Variants in IPO11 observed in about 807,000 individuals in gnomAD.
IPO11 encodes the protein importin 11, also known as importin-11.
A neutral mutation model predicts 143.2 loss-of-function variants in IPO11; 66 were observed. The ratio of observed to expected loss-of-function variants is 0.46; its 90% CI spans 0.38 to 0.57. The LOEUF (loss-of-function observed/expected upper bound fraction) is 0.57, where lower values mean the gene tolerates loss of function less well. IPO11 is among the 20% of genes least tolerant of loss of function. The pLI is 0.00. For missense variants in IPO11, 1,026 were observed against 1,141.0 expected (o/e 0.90, Z 1.45); for synonymous variants, 385 against 377.8 (o/e 1.02, Z -0.22).
chr5:62,504,683 C>A lies in IPO11; in HGVS notation c.1607C>A (p.Ala536Asp). 1 of 1,483,694 alleles carries A rather than the reference C, an allele frequency of 6.7e-7. No individual in the cohort carries two copies. Among genetic ancestry groups the A allele is most frequent in the Non-Finnish European group, 9.2e-7 (1 of 1,081,314 alleles). The allele number at this position is 1,483,694 out of a possible 1,614,324, so 91.9% of individuals were successfully genotyped here. Residue 536 changes from alanine (A) to aspartate (D), a missense_variant, in exon 17 of 30, where the codon GCT becomes GAT. Ala to Asp is a moderately radical substitution (Grantham distance 126). Coordinates refer to ENST00000325324, the MANE Select transcript of IPO11 (RefSeq NM_016338.5). The stretch of plus-strand genomic sequence containing the variant: ...TTCTTTTAGGTCCGTATTGAAACAG[C>A]TACAACTTTGAAGTTAAATATCCTT... ...DQDLVVRIET[A>D]TTLKLTVDDF...
At position 62,503,330 on chromosome 5, in the gene IPO11, C is replaced by T. The variant is rs2650500; in HGVS notation, c.1591-1337C>T. Among the ~76,000 whole-genome samples the T allele has an allele frequency of 8.1e-3, 1,006 of 123,436 alleles. 20 individuals carry two copies. The highest frequency in any genetic ancestry group is 0.025 in the East Asian group (91 of 3,670). 81.0% of individuals were successfully genotyped at this position (123,436 alleles called of 152,430 possible). A position where few individuals can be genotyped will look rare whatever the true frequency, so the allele number is the denominator to read the frequency against. Reference sequence around the variant, plus strand: ...TCTATTAATATATTAATAGTATCTACTAATATATTAATAGTATCTATTAAT... The same window carrying T: ...TCTATTAATATATTAATAGTATCTATTAATATATTAATAGTATCTATTAAT... On this transcript the variant is annotated intron_variant, in intron 16 of 29. Coordinates refer to ENST00000325324, the MANE Select transcript of IPO11 (RefSeq NM_016338.5).
intron 19 of IPO11, among the ~76,000 whole-genome samples, chr5:62,508,300 T>A: frequency 8.9e-6 from 1 of 112,318 alleles, no homozygotes; most frequent in Admixed American, 7.8e-5. Flanking sequence ...CCTGGCTAAT[T>A]TTTTTTTTTT....
At chr5:62,414,626 G>A (rs1187966416) in intron 1 of IPO11, among the ~76,000 whole-genome samples, 1 of 152,188 alleles carries the variant, frequency 6.6e-6, no homozygotes, top group South Asian at 2.1e-4. Flanking sequence ...AGTTGCATCA[G>A]TGTTCTTTAC....
chr5:62,541,371 C>CAA (rs368334894), intron 24 of IPO11, among the ~76,000 whole-genome samples: 17 of 116,006 alleles, frequency 1.5e-4, no homozygotes, highest in Admixed American at 1.8e-4. Flanking sequence ...AACGCTGTCT[C>CAA]AAAAAAAAAA....
intron 6 of IPO11, among the ~76,000 whole-genome samples, chr5:62,469,744 C>T (rs1745701691): frequency 6.6e-6 from 1 of 152,166 alleles, no homozygotes; most frequent in Non-Finnish European, 1.5e-5. Flanking sequence ...GCTTATCTCT[C>T]TGTGTACACT....
At chr5:62,464,753 A>T (rs166005) in intron 5 of IPO11, among the ~76,000 whole-genome samples, 20 of 152,094 alleles carry the variant, frequency 1.3e-4, no homozygotes, top group Middle Eastern at 6.8e-3. Flanking sequence ...CATTACAGGC[A>T]TGAGCCATCG....
chr5:62,505,033 T>G (rs1028090753), intron 18 of IPO11, 135 bp downstream of exon 18: 4 of 467,130 alleles, frequency 8.6e-6, no homozygotes, highest in Non-Finnish European at 7.4e-6. Flanking sequence ...ATTGGATTAT[T>G]TTGGAGGACA....
chr5:62,547,378 T>G (rs1743240468), intron 24 of IPO11, among the ~76,000 whole-genome samples: 1 of 152,234 alleles, frequency 6.6e-6, no homozygotes. Flanking sequence ...TGGAATGTCA[T>G]CATTATTACT....
At chr5:62,424,873 TTTA>T (rs1281934863) in intron 1 of IPO11, among the ~76,000 whole-genome samples, 12 of 152,190 alleles carry the variant, frequency 7.9e-5, no homozygotes, top group Admixed American at 2.6e-4. Context: ...AGACATTGCC[TTTA>T]TTATTATATT....
intron 16 of IPO11, among the ~76,000 whole-genome samples, chr5:62,499,496 T>C (rs1459930406): frequency 6.6e-6 from 1 of 151,962 alleles, no homozygotes; most frequent in Non-Finnish European, 1.5e-5. Context: ...ATAATCATTG[T>C]ACACTTAGGC....
intron 27 of IPO11, among the ~76,000 whole-genome samples, chr5:62,571,771 C>T (rs562490534): frequency 6.6e-5 from 10 of 151,828 alleles, no homozygotes; most frequent in Non-Finnish European, 1.3e-4. Context: ...CTGCAACCTC[C>T]GCCTCCCGGG....
intron 19 of IPO11, among the ~76,000 whole-genome samples, chr5:62,513,158 C>T (rs1207147150): frequency 1.3e-5 from 2 of 151,278 alleles, no homozygotes; most frequent in South Asian, 2.1e-4. Context: ...CCAGTAGGGG[C>T]GGCCGGGCAG....
In IPO11 at chr5:62,627,325, A is replaced by G. The variant is rs369587933; in HGVS notation, c.*7A>G. On this transcript the variant is annotated 3_prime_UTR_variant, in exon 30 of 30. Transcript: ENST00000325324. ...GTTTTTGCAAGGATTCTAAGAGCAC[A>G]TGACATGTGGCTGCCTCCCCTTTCA... 42 of 1,606,458 alleles carry G rather than the reference A, an allele frequency of 2.6e-5. No individual in the cohort carries two copies. The highest frequency in any genetic ancestry group is 3.5e-5 in the Non-Finnish European group (41 of 1,174,512).
intron 16 of IPO11, among the ~76,000 whole-genome samples, chr5:62,499,454 C>G (rs547953977): frequency 1.3e-5 from 2 of 152,154 alleles, no homozygotes; most frequent in African/African-American, 2.4e-5. Context: ...ATGTGAAAGC[C>G]TAGAAAATCA....
chr5:62,540,761 A>C (rs909688809), intron 24 of IPO11, among the ~76,000 whole-genome samples: 2 of 152,238 alleles, frequency 1.3e-5, no homozygotes, highest in African/African-American at 4.8e-5. Flanking sequence ...TTGAGCTTAT[A>C]TATATAAACA....
At chr5:62,562,479 C>G (rs539231169) in intron 27 of IPO11, among the ~76,000 whole-genome samples, 11 of 152,312 alleles carry the variant, frequency 7.2e-5, no homozygotes, top group African/African-American at 2.6e-4. Context: ...CAGTGTGCAA[C>G]CTACATCCCT....
At chr5:62,583,944 A>G (rs943735659) in intron 27 of IPO11, among the ~76,000 whole-genome samples, 1 of 152,198 alleles carries the variant, frequency 6.6e-6, no homozygotes, top group African/African-American at 2.4e-5. Context: ...GCACCCAAAA[A>G]TAGGCTCTAA....
intron 27 of IPO11, among the ~76,000 whole-genome samples, chr5:62,567,472 C>CTAT (rs71590888): frequency 4.7e-4 from 63 of 133,732 alleles, no homozygotes; most frequent in African/African-American, 9.1e-4. Context: ...GGAAAATTTT[C>CTAT]TATTATTATT....
At chr5:62,439,230 G>GTT (rs896771114) in intron 2 of IPO11, among the ~76,000 whole-genome samples, 1 of 145,646 alleles carries the variant, frequency 6.9e-6, no homozygotes, top group African/African-American at 2.6e-5. Context: ...TTGCTTAACT[G>GTT]TTGTCTTTTT....
Sources: allele counts gnomAD v4.1 joint callset (sites outside exome capture counted in the v4.1 genomes callset), GRCh38; gene constraint gnomAD v4.1.1; transcripts MANE v1.5; gene names NCBI Gene and HGNC (gene_info 2026-07-23, HGNC 2026-07-21).